Variants in HERC5 observed in about 807,000 individuals in gnomAD.
HERC5 encodes the protein E3 ISG15--protein ligase HERC5.
Under a neutral mutation model 119.6 loss-of-function variants are expected in HERC5, and 99 were observed. The observed-to-expected ratio is 0.83, with a 90% CI of 0.70 to 0.98. HERC5 has a LOEUF of 0.98. Among genes scored for constraint, HERC5 ranks in the 50% least tolerant of loss-of-function variants. HERC5 has a pLI of 0.00. For synonymous variants in HERC5, 478 were observed against 445.9 expected (o/e 1.07, Z -0.91); for missense variants, 1,267 against 1,241.3 (o/e 1.02, Z -0.31).
At chr4:88,481,578 C>T (rs1229147618) in intron 13 of HERC5, among the ~76,000 whole-genome samples, 1 of 151,816 alleles carries the variant, frequency 6.6e-6, no homozygotes, top group Non-Finnish European at 1.5e-5. Context: ...TTTTTTTCTC[C>T]CATAAAGGTT....
intron 13 of HERC5, among the ~76,000 whole-genome samples, chr4:88,485,326 C>G (rs1271021397): frequency 2.6e-5 from 4 of 152,200 alleles, no homozygotes; most frequent in Admixed American, 2.0e-4. Context: ...TTCTCTGTGA[C>G]TCTGGAGATC....
chr4:88,479,396 G>A lies in HERC5; in HGVS notation c.1626G>A (p.Leu542=), dbSNP rs1391827276. ...ATLQESTFSK[L]VQMFKTAVIC... is the part of the protein sequence containing the mutation. ...TGCAAGAATCCACTTTCAGCAAACT[G>A]GTCCAGATGTTTAAAACAGCCGTCA... Residue 542 remains leucine (L), a synonymous_variant, in exon 13 of 23, where the codon CTG becomes CTA. Coordinates refer to ENST00000264350, the MANE Select transcript of HERC5 (RefSeq NM_016323.4). 7 of 1,612,302 alleles carry A rather than the reference G, an allele frequency of 4.3e-6. No individual in the cohort carries two copies.
chr4:88,503,289 T>A (rs995167291), intron 20 of HERC5, among the ~76,000 whole-genome samples: 1 of 152,216 alleles, frequency 6.6e-6, no homozygotes, highest in African/African-American at 2.4e-5. Context: ...ATAATGAGGC[T>A]TTAATCCATG....
At position 88,505,547 on chromosome 4, in the gene HERC5, A is replaced by G. The variant is rs867561010; in HGVS notation, c.2870-126A>G. ...ATTGTTCGAATACAATCCCCAATGC[A>G]CTGTCAAATGTAGGACACTGCACAT... On this transcript the variant is annotated intron_variant, in intron 22 of 22. Transcript: ENST00000264350. 51 of 627,984 alleles carry G rather than the reference A, an allele frequency of 8.1e-5. No homozygotes were observed. In the South Asian group the frequency reaches 1.0e-3, roughly 12 times the overall value. 38.9% of individuals were successfully genotyped at this position (627,984 alleles called of 1,614,324 possible).
intron 20 of HERC5, among the ~76,000 whole-genome samples, chr4:88,501,186 CAGAG>C: frequency 6.6e-6 from 1 of 152,160 alleles, no homozygotes; most frequent in East Asian, 1.9e-4. Context: ...ATGGCTTTCT[CAGAG>C]AGACCTTTCT....
chr4:88,483,519 CTTTTTTTTTTTTT>C (rs1162985782), intron 13 of HERC5, among the ~76,000 whole-genome samples: 1 of 83,180 alleles, frequency 1.2e-5, no homozygotes, highest in Non-Finnish European at 2.3e-5. Flanking sequence ...GCTCTATAGG[CTTTTTTTTTTTTT>C]TTTTTTTTTT....
At chr4:88,496,505 A>T (rs750541819) in intron 18 of HERC5, among the ~76,000 whole-genome samples, 1 of 152,214 alleles carries the variant, frequency 6.6e-6, no homozygotes, top group Non-Finnish European at 1.5e-5. Context: ...GCCTATGTGG[A>T]ACTTTATTAG....
At chr4:88,483,157 T>C (rs1741337753) in intron 13 of HERC5, among the ~76,000 whole-genome samples, 1 of 152,138 alleles carries the variant, frequency 6.6e-6, no homozygotes, top group South Asian at 2.1e-4. Flanking sequence ...TTTCATGGAC[T>C]ATTCTTAGTT....
At chr4:88,489,133 T>C (rs1741554967) in intron 15 of HERC5, 33 bp from the exon 16 acceptor site, 2 of 1,570,530 alleles carry the variant, frequency 1.3e-6, no homozygotes, top group African/African-American at 1.4e-5. Context: ...AATGGTAAAA[T>C]GAAGTGTAAT....
chr4:88,460,139 G>A lies in HERC5; in HGVS notation c.434G>A (p.Cys145Tyr). ...LQEKKIIQIT[C>Y]GDYHSLALSK... is the part of the protein sequence containing the mutation. ...GAAAAAAAAATAATTCAGATCACATGTGGAGATTACCATTCTCTTGCACTC... is the reference window on the plus strand; with the variant it reads ...GAAAAAAAAATAATTCAGATCACATATGGAGATTACCATTCTCTTGCACTC... Residue 145 changes from cysteine to tyrosine, a missense_variant, in exon 3 of 23, where the codon TGT (cysteine) becomes TAT (tyrosine). Physicochemically the swap from Cys to Tyr is radical, Grantham distance 194 (BLOSUM62 -2). Transcript: ENST00000264350. The A allele has an allele frequency of 6.3e-7, 1 of 1,588,964 alleles. No individual in the cohort carries two copies. Among genetic ancestry groups the A allele is most frequent in the African/African-American group, 1.3e-5 (1 of 74,524 alleles).
intron 20 of HERC5, 28 bp from the exon 21 acceptor site, chr4:88,504,204 G>A: frequency 6.8e-7 from 1 of 1,462,024 alleles, no homozygotes; most frequent in Non-Finnish European, 9.5e-7. Flanking sequence ...ATTGCAGTAA[G>A]TGGAAATAAC....
chr4:88,462,395 A>G (rs1385825638), intron 4 of HERC5, 39 bp downstream of exon 4: 2 of 1,534,522 alleles, frequency 1.3e-6, no homozygotes, highest in African/African-American at 2.7e-5. Context: ...ACCAACAGAT[A>G]TACTTGTTAG....
chr4:88,471,787 T>C (rs971265749), intron 10 of HERC5, among the ~76,000 whole-genome samples: 2 of 152,198 alleles, frequency 1.3e-5, no homozygotes, highest in African/African-American at 4.8e-5. Flanking sequence ...TCAGTCCATT[T>C]AACGGGAAGA....
intron 17 of HERC5, 99 bp downstream of exon 17, chr4:88,493,254 G>A (rs1370835429): frequency 1.6e-5 from 16 of 998,132 alleles, no homozygotes; most frequent in Admixed American, 5.4e-5. Context: ...TGTTAGAAGA[G>A]GAGTATTGAT....
rs1280836090 is a variant in HERC5, at chr4:88,470,658, G to T, written c.1283G>T (p.Ser428Ile). The T allele has an allele frequency of 6.8e-7, 1 of 1,464,122 alleles. No homozygotes were observed. The highest frequency in any genetic ancestry group is 9.5e-7 in the Non-Finnish European group (1 of 1,049,434). The allele number at this position is 1,464,122 out of a possible 1,614,324, so 90.7% of individuals were successfully genotyped here. A position where few individuals can be genotyped will look rare whatever the true frequency, so the allele number is the denominator to read the frequency against. Residue 428 changes from serine (S) to isoleucine (I), a missense_variant, in exon 10 of 23, where the codon AGT becomes ATT. This residue lies in a region of HERC5 where 777 missense variants were observed against 758.0 expected (regional missense o/e 1.03). Coordinates refer to ENST00000264350, the MANE Select transcript of HERC5 (RefSeq NM_016323.4). ...TCATCTCCTGCTTGTCTAACTGGAA[G>T]TTTTTTAAGGAAAAGGTAATATATG... ...IFSSPACLTGSFLRKRRTTEM... is the reference protein window; with the variant it reads ...IFSSPACLTGIFLRKRRTTEM...
chr4:88,489,383 A>C (rs775662778), intron 16 of HERC5, 47 bp downstream of exon 16: 2 of 1,508,032 alleles, frequency 1.3e-6, no homozygotes, highest in Non-Finnish European at 9.0e-7. Context: ...AGAAAAGAAA[A>C]ACATAAAAGA....
At chr4:88,467,923 T>A (rs17014146) in intron 7 of HERC5, 119,870 of 970,452 alleles carry the variant, frequency 0.12, 8,077 homozygotes, top group East Asian at 0.25. Flanking sequence ...CAGAGTTATT[T>A]CCTTAAGCAG....
Position 88,457,156 on chromosome 4 carries a change from G to T in HERC5, c.-114G>T, listed in dbSNP as rs965206956. The T allele has an allele frequency of 1.6e-6, 2 of 1,233,692 alleles. No individual in the cohort carries two copies. The highest frequency in any genetic ancestry group is 2.0e-6 in the Non-Finnish European group (2 of 988,420). 76.4% of individuals were successfully genotyped at this position (1,233,692 alleles called of 1,614,324 possible). ...TGCGGTTCCCCGACGCCACGCAGCT[G>T]CGCGCAGCTGGTTCCCGCTCTGCAG... On this transcript the variant is annotated 5_prime_UTR_variant, in exon 1 of 23. Coordinates refer to ENST00000264350, the MANE Select transcript of HERC5 (RefSeq NM_016323.4).
chr4:88,463,585 G>C lies in HERC5; in HGVS notation c.742G>C (p.Val248Leu). The change falls in exon 5 of 23, where the codon GTC becomes CTC. Residue 248 changes from valine (V) to leucine (L), a missense_variant. Coordinates refer to ENST00000264350, the MANE Select transcript of HERC5 (RefSeq NM_016323.4). ...ACTAGACAATCAGAAAGTTGAATTTGTCGCTTGTGGTGGCTCTCACAGTGC... is the reference window on the plus strand; with the variant it reads ...ACTAGACAATCAGAAAGTTGAATTTCTCGCTTGTGGTGGCTCTCACAGTGC... The part of the protein sequence containing the change: ...EGLDNQKVEF[V>L]ACGGSHSALL... The C allele has an allele frequency of 1.2e-6, 2 of 1,613,800 alleles. No individual in the cohort carries two copies. Among genetic ancestry groups the C allele is most frequent in the Non-Finnish European group, 1.7e-6 (2 of 1,179,892 alleles).
Sources: allele counts gnomAD v4.1 joint callset (sites outside exome capture counted in the v4.1 genomes callset), GRCh38; gene constraint gnomAD v4.1.1; regional missense constraint gnomAD v4.1.1; transcripts MANE v1.5; gene names NCBI Gene and HGNC (gene_info 2026-07-23, HGNC 2026-07-21).